Variants in RALYL observed in about 807,000 individuals in gnomAD.
RALYL encodes RNA-binding Raly-like protein.
RALYL carries 29 observed loss-of-function variants against 35.1 expected under a neutral mutation model. The observed-to-expected ratio is 0.83, with a 90% CI of 0.61 to 1.13. The LOEUF is 1.13. Among genes scored for constraint, RALYL ranks in the 50% most tolerant of loss-of-function variants. RALYL has a pLI of 0.00. For missense variants in RALYL, 359 were observed against 360.4 expected, an observed-to-expected ratio of 1.00 and a Z score of 0.03; for synonymous variants, 120 against 127.6, an observed-to-expected ratio of 0.94 and a Z score of 0.40.
intron 1 of RALYL, among the ~76,000 whole-genome samples, chr8:84,226,634 A>T (rs1369126681): frequency 3.9e-5 from 6 of 152,152 alleles, no homozygotes; most frequent in East Asian, 1.9e-4. Flanking sequence ...GATAATTTAC[A>T]TCTACATCTA....
chr8:84,810,344 G>C (rs1362450473), intron 4 of RALYL, among the ~76,000 whole-genome samples: 1 of 152,076 alleles, frequency 6.6e-6, no homozygotes, highest in Non-Finnish European at 1.5e-5. Flanking sequence ...TGTGGTCTGA[G>C]AGGTGCTTGA....
At chr8:84,216,918 G>A (rs549807475) in intron 1 of RALYL, among the ~76,000 whole-genome samples, 4 of 152,164 alleles carry the variant, frequency 2.6e-5, no homozygotes, top group African/African-American at 7.2e-5. Context: ...GCTAATTCAC[G>A]TGCTAGATAG....
intron 2 of RALYL, among the ~76,000 whole-genome samples, chr8:84,618,092 G>A (rs1458777507): frequency 4.0e-5 from 6 of 151,730 alleles, no homozygotes; most frequent in Non-Finnish European, 5.9e-5. Context: ...TGGTATCAGA[G>A]TGATGCTGGC....
At chr8:84,344,536 C>T (rs570390962) in intron 1 of RALYL, among the ~76,000 whole-genome samples, 7 of 151,894 alleles carry the variant, frequency 4.6e-5, no homozygotes, top group Middle Eastern at 3.4e-3. Context: ...GTGTTTGTTT[C>T]GATTTAATTT....
At chr8:84,670,018 A>T (rs780346549) in intron 2 of RALYL, among the ~76,000 whole-genome samples, 5 of 151,928 alleles carry the variant, frequency 3.3e-5, no homozygotes, top group Non-Finnish European at 5.9e-5. Flanking sequence ...ATTGGTGCTG[A>T]TTCTTGCTTA....
At chr8:84,906,473 A>G (rs1416841377) in intron 8 of RALYL, among the ~76,000 whole-genome samples, 2 of 152,184 alleles carry the variant, frequency 1.3e-5, no homozygotes, top group Non-Finnish European at 2.9e-5. Flanking sequence ...TACCTGCTCA[A>G]GCTACACTGA....
chr8:84,724,952 C>T (rs1479461382), intron 2 of RALYL, among the ~76,000 whole-genome samples: 13 of 151,574 alleles, frequency 8.6e-5, no homozygotes. Context: ...TTTTATGTTG[C>T]AATCACTAAT....
At chr8:84,688,958 GA>G (rs373228112) in intron 2 of RALYL, among the ~76,000 whole-genome samples, 207 of 151,184 alleles carry the variant, frequency 1.4e-3, no homozygotes, top group Non-Finnish European at 2.2e-3. Context: ...ACAGGTATAC[GA>G]AAAAAAATTT....
intron 2 of RALYL, among the ~76,000 whole-genome samples, chr8:84,650,445 T>A (rs1015658544): frequency 6.6e-6 from 1 of 152,032 alleles, no homozygotes; most frequent in Non-Finnish European, 1.5e-5. Context: ...AGAAGACATT[T>A]ATGCAGCCAA....
intron 1 of RALYL, among the ~76,000 whole-genome samples, chr8:84,323,860 C>T (rs1845319549): frequency 6.6e-6 from 1 of 152,058 alleles, no homozygotes; most frequent in South Asian, 2.1e-4. Flanking sequence ...TACAATATGA[C>T]TCAGTGCAGA....
chr8:84,786,775 A>G (rs896658801), intron 3 of RALYL, among the ~76,000 whole-genome samples: 9 of 152,098 alleles, frequency 5.9e-5, no homozygotes, highest in Non-Finnish European at 1.0e-4. Context: ...CCCATTCTGT[A>G]AGTTGTCTGT....
At chr8:84,597,543 T>G (rs966102541) in intron 2 of RALYL, among the ~76,000 whole-genome samples, 17 of 152,156 alleles carry the variant, frequency 1.1e-4, no homozygotes, top group African/African-American at 3.9e-4. Context: ...CTCCTTCAAA[T>G]CCATGCTCCA....
chr8:84,313,175 C>T (rs749466490), intron 1 of RALYL, among the ~76,000 whole-genome samples: 3 of 152,172 alleles, frequency 2.0e-5, no homozygotes, highest in Non-Finnish European at 4.4e-5. Context: ...GGAGGTGGAG[C>T]ATCTGGACAC....
Position 84,464,142 on chromosome 8 carries a change from G to T in RALYL, c.-23-65157G>T, listed in dbSNP as rs7829691. 6.2e-3 allele frequency among the ~76,000 whole-genome samples: 891 copies of T among 142,842 alleles called. 3 individuals carry two copies. The highest frequency in any genetic ancestry group is 8.5e-3 in the Non-Finnish European group (557 of 65,204). 93.7% of individuals were successfully genotyped at this position (142,842 alleles called of 152,430 possible). ...AAACATTAAAACAAGTTTTTTTTTT[G>T]TTTTTTTTTTTATTATACTTTAAGT... On this transcript the variant is annotated intron_variant, in intron 1 of 8. Transcript: ENST00000521268.
intron 2 of RALYL, among the ~76,000 whole-genome samples, chr8:84,708,779 G>A (rs1841652249): frequency 6.6e-6 from 1 of 152,056 alleles, no homozygotes; most frequent in African/African-American, 2.4e-5. Context: ...ACATGACCTT[G>A]AGAAAACATT....
rs550897557 is a variant in RALYL at position 84,735,134 on chromosome 8, C to T, written c.257-39445C>T. Among the ~76,000 whole-genome samples, 27 of 151,520 alleles carry T rather than the reference C, an allele frequency of 1.8e-4. No individual in the cohort carries two copies. In the East Asian group the frequency reaches 3.7e-3, roughly 21 times the overall value. On this transcript the variant is annotated intron_variant, in intron 2 of 8. Transcript: ENST00000521268. Reference sequence around the variant, plus strand: ...ATATTGATGGACTGTTCGTTACCAACTTAGACACTTCTCAGTACCAAGCCG... The same window carrying T: ...ATATTGATGGACTGTTCGTTACCAATTTAGACACTTCTCAGTACCAAGCCG...
chr8:84,775,567 C>G (rs1222221251), intron 3 of RALYL, among the ~76,000 whole-genome samples: 2 of 152,180 alleles, frequency 1.3e-5, no homozygotes, highest in East Asian at 3.8e-4. Context: ...TCCAGAGAGA[C>G]AGATCCAATT....
chr8:84,672,270 T>A (rs1047436949), intron 2 of RALYL, among the ~76,000 whole-genome samples: 16 of 152,228 alleles, frequency 1.1e-4, no homozygotes, highest in African/African-American at 3.9e-4. Flanking sequence ...CAGCCTGGAC[T>A]TTATTGTCCA....
intron 2 of RALYL, among the ~76,000 whole-genome samples, chr8:84,745,475 G>A (rs1052494378): frequency 9.9e-5 from 15 of 152,078 alleles, no homozygotes; most frequent in Admixed American, 5.3e-4. Context: ...GCATACATAT[G>A]TATTAGAGAA....
Sources: allele counts gnomAD v4.1 joint callset (sites outside exome capture counted in the v4.1 genomes callset), GRCh38; gene constraint gnomAD v4.1.1; transcripts MANE v1.5; gene names NCBI Gene and HGNC (gene_info 2026-07-23, HGNC 2026-07-21).